Variants in CFAP46 observed in about 807,000 individuals in gnomAD.
The protein encoded by CFAP46 is cilia- and flagella-associated protein 46.
Under a neutral mutation model 325.7 loss-of-function variants are expected in CFAP46, and 245 were observed. The ratio of observed to expected loss-of-function variants is 0.75; its 90% CI spans 0.68 to 0.84. The LOEUF (loss-of-function observed/expected upper bound fraction) is 0.84. CFAP46 is among the 40% of genes least tolerant of loss of function. CFAP46 has a pLI of 0.00. For synonymous variants in CFAP46, 1,523 were observed against 1,495.9 expected, an observed-to-expected ratio of 1.02 and a Z score of -0.42; for missense variants, 3,346 against 3,543.0, an observed-to-expected ratio of 0.94 and a Z score of 1.41.
In CFAP46 at chr10:132,814,577, C is replaced by A; in HGVS notation, c.7285G>T (p.Glu2429Ter). Residue 2429 changes from glutamate (E) to a stop codon, truncating the protein, a stop_gained and splice_region_variant, in exon 53 of 58, where the codon GAA becomes TAA. Transcript: ENST00000368586. LOFTEE classifies it high-confidence loss of function. ...VDPYEEAQGPEMLTPVSITQD... is the reference protein window; with the variant it reads ...VDPYEEAQGP ...ACAGGGAGCCCTGTGCAGCACCCAC[C>A]TGGGCCCTGGGCCTCCTCGTATGGG... is the stretch of plus-strand genomic sequence containing the variant. The A allele has an allele frequency of 6.4e-7, 1 of 1,562,422 alleles. No individual in the cohort carries two copies. Among genetic ancestry groups the A allele is most frequent in the East Asian group, 2.3e-5 (1 of 42,618 alleles).
chr10:132,862,341 G>C (rs376226138), intron 35 of CFAP46, among the ~76,000 whole-genome samples: 3 of 152,108 alleles, frequency 2.0e-5, no homozygotes, highest in African/African-American at 7.2e-5. Flanking sequence ...GCGACAGGGC[G>C]GGCAGGGGCT....
rs1248347797 is a variant in CFAP46 at position 132,847,377 on chromosome 10, G to A, written c.5953-56C>T. 1 of 1,599,672 alleles carries A rather than the reference G, an allele frequency of 6.3e-7. No homozygotes were observed. Among genetic ancestry groups the A allele is most frequent in the East Asian group, 2.2e-5 (1 of 44,626 alleles). ...TTCTGGGTTCCTGCTTGGTCGGCGT[G>A]GGGAGGGCCCACCCAGGGAGGCCGG... On this transcript the variant is annotated intron_variant, in intron 41 of 57. Transcript: ENST00000368586. This position sits in a 1 kb window ranked among gnomAD's most constrained non-coding sequence, Gnocchi z 5.2.
chr10:132,834,824 C>T, intron 47 of CFAP46, 49 bp from the exon 48 acceptor site: 4 of 1,581,702 alleles, frequency 2.5e-6, no homozygotes, highest in Non-Finnish European at 3.4e-6. Context: ...GGCGCATGGC[C>T]CAGACCCCGC....
At chr10:132,883,803 C>G (rs1849082511) in intron 27 of CFAP46, among the ~76,000 whole-genome samples, 1 of 152,210 alleles carries the variant, frequency 6.6e-6, no homozygotes, top group African/African-American at 2.4e-5. Flanking sequence ...CGATGTCATG[C>G]TGCATGAAGG....
rs1849127503 is a variant in CFAP46, at chr10:132,886,111, G to C, written c.3305-152C>G. ...AGGCCAGCGCATGCCCCGCAGGGCT[G>C]AAGTGAGCTGTGGACCTGCATGGCC... is the stretch of plus-strand genomic sequence containing the variant. On this transcript the variant is annotated intron_variant, in intron 25 of 57. Transcript: ENST00000368586. This position sits in a 1 kb window ranked among gnomAD's most constrained non-coding sequence, Gnocchi z 5.8. Among the ~76,000 whole-genome samples, 1 of 152,192 alleles carries C rather than the reference G, an allele frequency of 6.6e-6. No individual in the cohort carries two copies. Among genetic ancestry groups the C allele is most frequent in the Non-Finnish European group, 1.5e-5 (1 of 68,028 alleles).
intron 56 of CFAP46, 36 bp from the exon 57 acceptor site, chr10:132,810,525 A>G (rs1847558439): frequency 1.3e-6 from 2 of 1,585,530 alleles, no homozygotes; most frequent in Non-Finnish European, 1.7e-6. Flanking sequence ...GGGCATGGAC[A>G]CCCTGGCAGC....
chr10:132,924,994 A>G, intron 10 of CFAP46, 108 bp from the exon 11 acceptor site: 1 of 885,000 alleles, frequency 1.1e-6, no homozygotes, highest in South Asian at 3.2e-5. Flanking sequence ...TAAATTCATC[A>G]CCCTGCGTGG....
At chr10:132,829,756 T>C (rs955563540) in intron 50 of CFAP46, among the ~76,000 whole-genome samples, 4 of 152,254 alleles carry the variant, frequency 2.6e-5, no homozygotes, top group Non-Finnish European at 4.4e-5. Context: ...TGTCAAATGC[T>C]TTTCTGCATC....
At chr10:132,873,469 G>A (rs1441753932) in intron 31 of CFAP46, among the ~76,000 whole-genome samples, 1 of 152,182 alleles carries the variant, frequency 6.6e-6, no homozygotes, top group Non-Finnish European at 1.5e-5. Context: ...ATACGAGCCT[G>A]GCTGTCAGGC....
chr10:132,819,799 C>T (rs1225103714), intron 50 of CFAP46, among the ~76,000 whole-genome samples: 2 of 152,190 alleles, frequency 1.3e-5, no homozygotes, highest in East Asian at 3.8e-4. Flanking sequence ...TAGAAGAAAA[C>T]ACAGGATAAA....
At chr10:132,887,027 TTC>T (rs1324526138) in intron 25 of CFAP46, among the ~76,000 whole-genome samples, 3 of 150,498 alleles carry the variant, frequency 2.0e-5, no homozygotes, top group African/African-American at 4.9e-5. Flanking sequence ...CTCTGCTCTC[TTC>T]TCTCTTCTTT....
chr10:132,855,259 G>A (rs750496266), intron 39 of CFAP46, among the ~76,000 whole-genome samples: 10 of 152,128 alleles, frequency 6.6e-5, no homozygotes, highest in East Asian at 1.9e-4. Flanking sequence ...TGGTTGAGCC[G>A]TTTGCACTAT....
At position 132,847,223 on chromosome 10, in the gene CFAP46, G is replaced by A. The variant is rs754652697; in HGVS notation, c.6051C>T (p.Ala2017=). 1 of 1,613,078 alleles carries A rather than the reference G, an allele frequency of 6.2e-7. No individual in the cohort carries two copies. Among genetic ancestry groups the A allele is most frequent in the South Asian group, 1.1e-5 (1 of 91,072 alleles). Residue 2017 remains alanine (A), a synonymous_variant, in exon 42 of 58, where the codon GCC becomes GCT. Coordinates refer to ENST00000368586, the MANE Select transcript of CFAP46 (RefSeq NM_001200049.3). The surrounding 1 kb of genome is among the most constrained non-coding windows in gnomAD (Gnocchi z 5.2). The stretch of plus-strand genomic sequence containing the variant: ...CGCCTCTCCTGCAGTGCTCCTCCGG[G>A]GCTGCCCTGGAGGCCGGCGGGTCCC... ...SSRDPPASRA[A]PEEHCRRGED...
At chr10:132,901,784 C>A (rs544610731) in intron 22 of CFAP46, among the ~76,000 whole-genome samples, 2 of 152,176 alleles carry the variant, frequency 1.3e-5, no homozygotes, top group African/African-American at 2.4e-5. Context: ...GGGAATGGAT[C>A]CTCTTAGCTC....
At chr10:132,885,314 C>T (rs1030010599) in intron 26 of CFAP46, 28 bp from the exon 27 acceptor site, 14 of 1,524,112 alleles carry the variant, frequency 9.2e-6, no homozygotes, top group African/African-American at 2.8e-5. Context: ...GAGAAACCAA[C>T]GTCAGGATCG....
At chr10:132,887,476 C>CCT (rs1404078437) in intron 25 of CFAP46, among the ~76,000 whole-genome samples, 2 of 127,986 alleles carry the variant, frequency 1.6e-5, no homozygotes, top group African/African-American at 3.0e-5. Flanking sequence ...TCTCTCTCTC[C>CCT]TCTCCTCTCT....
Position 132,833,567 on chromosome 10 carries a change from G to C in CFAP46, c.6950-42C>G, listed in dbSNP as rs145121432. 7.0e-4 allele frequency: 1,119 copies of C among 1,588,404 alleles called. 7 individuals carry two copies. The Middle Eastern group carries it at 1.0e-2, about 14-fold the overall frequency. ...CAGGGAGATCAGCTCCTGAAGACGGGACCCCTCCCACGGGGTCGCAGGGCT... is the reference window on the plus strand; with the variant it reads ...CAGGGAGATCAGCTCCTGAAGACGGCACCCCTCCCACGGGGTCGCAGGGCT... On this transcript the variant is annotated intron_variant, in intron 49 of 57. Coordinates refer to ENST00000368586, the MANE Select transcript of CFAP46 (RefSeq NM_001200049.3).
chr10:132,940,781 C>T (rs1038400107), intron 4 of CFAP46, among the ~76,000 whole-genome samples: 1 of 152,188 alleles, frequency 6.6e-6, no homozygotes, highest in Non-Finnish European at 1.5e-5. Flanking sequence ...ATCACGAAAA[C>T]CGCCGAGTGC....
At chr10:132,888,725 G>T (rs555121321) in intron 25 of CFAP46, among the ~76,000 whole-genome samples, 9 of 58,370 alleles carry the variant, frequency 1.5e-4, no homozygotes, top group African/African-American at 6.6e-4. Flanking sequence ...CCTGCCGCCT[G>T]CACCTGCCAC....
Sources: allele counts gnomAD v4.1 joint callset (sites outside exome capture counted in the v4.1 genomes callset), GRCh38; gene constraint gnomAD v4.1.1; non-coding constraint Gnocchi (gnomAD v3.1); transcripts MANE v1.5; gene names NCBI Gene and HGNC (gene_info 2026-07-23, HGNC 2026-07-21).